ARHGAP39: variants seen among roughly 807,000 people sequenced by gnomAD.
ARHGAP39 encodes rho GTPase-activating protein 39.
A neutral mutation model predicts 106.9 loss-of-function variants in ARHGAP39; 44 were observed. That is an observed-to-expected ratio of 0.41 (90% CI 0.32 to 0.53). The LOEUF (loss-of-function observed/expected upper bound fraction) is 0.53, where lower values mean the gene tolerates loss of function less well. Among genes scored for constraint, ARHGAP39 ranks in the 20% least tolerant of loss-of-function variants. ARHGAP39 has a pLI of 0.21. For synonymous variants in ARHGAP39, 768 were observed against 693.2 expected (o/e 1.11, Z -1.69); for missense variants, 1,496 against 1,577.3 (o/e 0.95, Z 0.87).
chr8:144,674,623 C>T (rs1231674174), intron 1 of ARHGAP39, among the ~76,000 whole-genome samples: 2 of 152,198 alleles, frequency 1.3e-5, no homozygotes, highest in Admixed American at 1.3e-4. Flanking sequence ...CATCAGGGAC[C>T]TGCCCCTTTT....
chr8:144,641,555 C>T lies in ARHGAP39; in HGVS notation c.-81-35860G>A, dbSNP rs1002633572. ...TCCTGGCATCCCCTCAGCTCTCCTG[C>T]GTTCTGCCCATCACTCACCCCAGGA... On this transcript the variant is annotated intron_variant, in intron 1 of 11. Coordinates refer to ENST00000377307, the MANE Select transcript of ARHGAP39 (RefSeq NM_025251.3). The surrounding 1 kb of genome is among the most constrained non-coding windows in gnomAD (Gnocchi z 5.2). 1.3e-5 allele frequency among the ~76,000 whole-genome samples: 2 copies of T among 152,214 alleles called. No homozygotes were observed. The highest frequency in any genetic ancestry group is 2.9e-5 in the Non-Finnish European group (2 of 68,038).
chr8:144,550,974 G>C (rs534962619), intron 4 of ARHGAP39, among the ~76,000 whole-genome samples: 6 of 152,242 alleles, frequency 3.9e-5, no homozygotes, highest in Non-Finnish European at 8.8e-5. Context: ...TTATGACGAA[G>C]ATTCAACAAA....
chr8:144,634,835 C>G (rs1460454338), intron 1 of ARHGAP39, among the ~76,000 whole-genome samples: 2 of 150,464 alleles, frequency 1.3e-5, no homozygotes, highest in African/African-American at 2.5e-5. Context: ...GTCTCCACTC[C>G]TGTCTGGAAC....
chr8:144,619,899 TGA>T (rs1202197398), intron 1 of ARHGAP39, among the ~76,000 whole-genome samples: 13 of 143,586 alleles, frequency 9.1e-5, no homozygotes, highest in African/African-American at 2.8e-4. Context: ...TGTACATCCC[TGA>T]GAGAGCGTGT....
intron 4 of ARHGAP39, among the ~76,000 whole-genome samples, chr8:144,554,527 G>A (rs1029764634): frequency 3.9e-5 from 6 of 152,178 alleles, no homozygotes; most frequent in African/African-American, 1.4e-4. Flanking sequence ...CGTCCACCAC[G>A]AAGGATGCAG....
At chr8:144,574,614 C>A (rs1818706041) in intron 3 of ARHGAP39, among the ~76,000 whole-genome samples, 1 of 152,144 alleles carries the variant, frequency 6.6e-6, no homozygotes, top group Admixed American at 6.5e-5. Context: ...GCGGAGCTTG[C>A]AGTAAGCTGA....
At chr8:144,656,429 T>C (rs932335274) in intron 1 of ARHGAP39, among the ~76,000 whole-genome samples, 2 of 152,238 alleles carry the variant, frequency 1.3e-5, no homozygotes, top group East Asian at 1.9e-4. Context: ...TAAATGCGTA[T>C]GCCTAGTTTA....
intron 1 of ARHGAP39, among the ~76,000 whole-genome samples, chr8:144,635,730 G>C (rs1821157304): frequency 6.6e-6 from 1 of 152,106 alleles, no homozygotes; most frequent in South Asian, 2.1e-4. Flanking sequence ...CTGAATTAGA[G>C]GGGGGCTGAG....
At position 144,532,331 on chromosome 8, in the gene ARHGAP39, G is replaced by A. The variant is rs1421531137; in HGVS notation, c.2954C>T (p.Thr985Ile). The A allele has an allele frequency of 1.9e-6, 3 of 1,612,964 alleles. No homozygotes were observed. Among genetic ancestry groups the A allele is most frequent in the Middle Eastern group, 1.7e-4 (1 of 6,058 alleles). The change falls in exon 10 of 12, where the codon ACA (threonine) becomes ATA (isoleucine). Residue 985 changes from threonine to isoleucine, a missense_variant. Thr to Ile is a moderately conservative substitution (Grantham distance 89). Transcript: ENST00000377307. ...AGGGACGTGGGGGTCTTCCAGGCCT[G>A]TGGGCACCTTCCACTGGTCCACCTG... ...KLQVDQWKVPTGLEDPHVPAS... is the reference protein window; with the variant it reads ...KLQVDQWKVPIGLEDPHVPAS...
At chr8:144,622,828 T>C (rs1820839039) in intron 1 of ARHGAP39, among the ~76,000 whole-genome samples, 2 of 152,358 alleles carry the variant, frequency 1.3e-5, no homozygotes, top group Non-Finnish European at 2.9e-5. Context: ...GCAGCTGGCC[T>C]GCGCCCGCTC....
At chr8:144,554,485 G>A (rs891268617) in intron 4 of ARHGAP39, among the ~76,000 whole-genome samples, 1 of 152,212 alleles carries the variant, frequency 6.6e-6, no homozygotes, top group Non-Finnish European at 1.5e-5. Context: ...CAGAGCTGAG[G>A]CAGTGCTTGG....
At chr8:144,598,768 G>A (rs1819727671) in intron 2 of ARHGAP39, among the ~76,000 whole-genome samples, 1 of 152,210 alleles carries the variant, frequency 6.6e-6, no homozygotes, top group African/African-American at 2.4e-5. Flanking sequence ...ACTGAAGAAA[G>A]GATGGCCAAC....
In ARHGAP39 at chr8:144,605,592, T is replaced by C. The variant is rs1293305112; in HGVS notation, c.23A>G (p.Glu8Gly). ...CAGGTCGACATTATGGCTCCTGCACTCGTAGTCCTGCGTCTGGGACATCGC... is the reference window on the plus strand; with the variant it reads ...CAGGTCGACATTATGGCTCCTGCACCCGTAGTCCTGCGTCTGGGACATCGC... MSQTQDY[E>G]CRSHNVDLPE... is the part of the protein sequence containing the mutation. Residue 8 changes from glutamate to glycine, a missense_variant, in exon 2 of 12, where the codon GAG (glutamate) becomes GGG (glycine). Coordinates refer to ENST00000377307, the MANE Select transcript of ARHGAP39 (RefSeq NM_025251.3). 2 of 1,613,578 alleles carry C rather than the reference T, an allele frequency of 1.2e-6. No individual in the cohort carries two copies. The highest frequency in any genetic ancestry group is 1.3e-5 in the African/African-American group (1 of 74,922).
At position 144,684,469 on chromosome 8, in the gene ARHGAP39, T is replaced by C. The variant is rs1586657624; in HGVS notation, c.-82+1217A>G. Among the ~76,000 whole-genome samples, 1 of 152,128 alleles carries C rather than the reference T, an allele frequency of 6.6e-6. No homozygotes were observed. Among genetic ancestry groups the C allele is most frequent in the African/African-American group, 2.4e-5 (1 of 41,430 alleles). On this transcript the variant is annotated intron_variant, in intron 1 of 11. Transcript: ENST00000377307. This position sits in a 1 kb window ranked among gnomAD's most constrained non-coding sequence, Gnocchi z 4.4. Reference sequence around the variant, plus strand: ...CAGGAGGCACGAGAAGCCTCACCACTGTAGGTTTTTCAGCAGAGGTCACTG... The same window carrying C: ...CAGGAGGCACGAGAAGCCTCACCACCGTAGGTTTTTCAGCAGAGGTCACTG...
At chr8:144,629,475 CCAG>C (rs1016563574) in intron 1 of ARHGAP39, among the ~76,000 whole-genome samples, 1 of 152,212 alleles carries the variant, frequency 6.6e-6, no homozygotes, top group African/African-American at 2.4e-5. Context: ...CTGGGGAAGG[CCAG>C]CAGGAGTGGG....
At chr8:144,544,981 T>G (rs1817347324) in intron 6 of ARHGAP39, among the ~76,000 whole-genome samples, 2 of 152,258 alleles carry the variant, frequency 1.3e-5, no homozygotes, top group Admixed American at 1.3e-4. Context: ...CATGGTGGGC[T>G]TGGAGCAGAG....
At chr8:144,580,357 G>A (rs899051518) in intron 3 of ARHGAP39, among the ~76,000 whole-genome samples, 1 of 152,174 alleles carries the variant, frequency 6.6e-6, no homozygotes, top group African/African-American at 2.4e-5. Flanking sequence ...AGAGCTGGGC[G>A]AGCCCCTCAG....
chr8:144,542,876 T>C (rs1163109993), intron 6 of ARHGAP39, among the ~76,000 whole-genome samples: 1 of 150,806 alleles, frequency 6.6e-6, no homozygotes, highest in African/African-American at 2.4e-5. Context: ...GAGGCAGAGG[T>C]TGCAGTGAGT....
chr8:144,540,697 G>A (rs368387315), intron 6 of ARHGAP39, among the ~76,000 whole-genome samples: 2 of 152,050 alleles, frequency 1.3e-5, no homozygotes, highest in Non-Finnish European at 2.9e-5. Flanking sequence ...CTACTCGGGA[G>A]GCTGAGGTGG....
Sources: gnomAD v4.1 joint callset for allele counts (sites outside exome capture counted in the v4.1 genomes callset) on GRCh38, gnomAD v4.1.1 for gene constraint, Gnocchi (gnomAD v3.1) non-coding constraint, MANE v1.5 for transcripts, NCBI Gene and HGNC (gene_info 2026-07-23, HGNC 2026-07-21) for gene names.